LPAR1: variants seen among roughly 807,000 people sequenced by gnomAD.
The protein encoded by LPAR1 is lysophosphatidic acid receptor 1.
A neutral mutation model predicts 23.8 loss-of-function variants in LPAR1; 5 were observed. The observed-to-expected ratio is 0.21, with a 90% CI of 0.11 to 0.44. The LOEUF is 0.44. Ranked by LOEUF, LPAR1 falls within the 20% of genes least tolerant of loss-of-function variation. LPAR1 has a pLI of 0.99. For synonymous variants in LPAR1, 160 were observed against 164.7 expected, an observed-to-expected ratio of 0.97 and a Z score of 0.22; for missense variants, 311 against 482.8, an observed-to-expected ratio of 0.64 and a Z score of 3.33.
intron 2 of LPAR1, among the ~76,000 whole-genome samples, chr9:111,024,447 T>A (rs2097642723): frequency 6.8e-6 from 1 of 147,480 alleles, no homozygotes; most frequent in Non-Finnish European, 1.5e-5. Context: ...AATTTTTATA[T>A]ATTTTTATAT....
intron 4 of LPAR1, among the ~76,000 whole-genome samples, chr9:110,959,348 G>C (rs1035020639): frequency 2.0e-5 from 3 of 151,896 alleles, no homozygotes; most frequent in African/African-American, 7.3e-5. Flanking sequence ...GGGAGGAAGG[G>C]AGGGAGGGCA....
At chr9:111,030,033 G>A (rs1038579622) in intron 2 of LPAR1, among the ~76,000 whole-genome samples, 15 of 131,188 alleles carry the variant, frequency 1.1e-4, no homozygotes, top group Admixed American at 4.4e-4. Context: ...GCAATAAAGT[G>A]AGGCTCTGCC....
chr9:110,892,912 A>T (rs558516664), intron 5 of LPAR1, among the ~76,000 whole-genome samples: 365 of 151,976 alleles, frequency 2.4e-3, no homozygotes, highest in African/African-American at 8.1e-3. Flanking sequence ...TTAGTGGTGC[A>T]GGCTGCACCC....
In LPAR1 at chr9:110,875,706, G is replaced by A; in HGVS notation, c.810C>T (p.Cys270=). 1 of 1,599,860 alleles carries A rather than the reference G, an allele frequency of 6.3e-7. No homozygotes were observed. Among genetic ancestry groups the A allele is most frequent in the Non-Finnish European group, 8.5e-7 (1 of 1,170,446 alleles). Residue 270 remains cysteine (C), a synonymous_variant, in exon 6 of 6, where the codon TGC becomes TGT. Coordinates refer to ENST00000683809, the MANE Select transcript of LPAR1 (RefSeq NM_001351411.2). Reference sequence around the variant, plus strand: ...GTAACAAAACCAATCCAGGAGTCCAGCAGATGATAAAGGCCCCTACAAGGA... The same window carrying A: ...GTAACAAAACCAATCCAGGAGTCCAACAGATGATAAAGGCCCCTACAAGGA... ...VVIVLGAFII[C]WTPGLVLLLL... is the part of the protein sequence containing the mutation.
chr9:111,014,507 T>C (rs2097399348), intron 2 of LPAR1, among the ~76,000 whole-genome samples: 1 of 152,014 alleles, frequency 6.6e-6, no homozygotes, highest in Non-Finnish European at 1.5e-5. Context: ...TTCTTTCGGA[T>C]CTCTTCTCTA....
intron 4 of LPAR1, among the ~76,000 whole-genome samples, chr9:110,953,673 A>C (rs1041301896): frequency 6.6e-6 from 1 of 152,038 alleles, no homozygotes; most frequent in Admixed American, 6.5e-5. Context: ...CAAAAAAAAA[A>C]AAAAAAATTA....
At chr9:110,949,496 C>A (rs893085689) in intron 4 of LPAR1, among the ~76,000 whole-genome samples, 1 of 152,166 alleles carries the variant, frequency 6.6e-6, no homozygotes, top group South Asian at 2.1e-4. Flanking sequence ...TAATCCTCTT[C>A]CCTTGATATG....
chr9:110,885,304 A>C (rs1012463566), intron 5 of LPAR1, among the ~76,000 whole-genome samples: 5 of 152,210 alleles, frequency 3.3e-5, no homozygotes, highest in African/African-American at 1.2e-4. Context: ...TGCAGGAAAC[A>C]TTCCTGAATA....
At position 110,875,337 on chromosome 9, in the gene LPAR1, C is replaced by T. The variant is rs373641849; in HGVS notation, c.*84G>A. 3 of 1,233,694 alleles carry T rather than the reference C, an allele frequency of 2.4e-6. No individual in the cohort carries two copies. The highest frequency in any genetic ancestry group is 2.5e-5 in the East Asian group (1 of 39,316). 76.4% of individuals were successfully genotyped at this position (1,233,694 alleles called of 1,614,324 possible). ...GAGTTGACTTTTCTCCTCTCTCACACCCCACCTTGCCCTGGCAATTGGGTA... is the reference window on the plus strand; with the variant it reads ...GAGTTGACTTTTCTCCTCTCTCACATCCCACCTTGCCCTGGCAATTGGGTA... On this transcript the variant is annotated 3_prime_UTR_variant, in exon 6 of 6. Coordinates refer to ENST00000683809, the MANE Select transcript of LPAR1 (RefSeq NM_001351411.2).
rs969404964 is a variant in LPAR1 at position 110,874,407 on chromosome 9, A to G, written c.*1014T>C. On this transcript the variant is annotated 3_prime_UTR_variant, in exon 6 of 6. Transcript: ENST00000683809. Reference sequence around the variant, plus strand: ...AGTATGACTCCAATTATGTAAAAAAAGTATACAATACACATATAGGCATAC... The same window carrying G: ...AGTATGACTCCAATTATGTAAAAAAGGTATACAATACACATATAGGCATAC... 2 of 152,662 alleles carry G rather than the reference A, an allele frequency of 1.3e-5. No individual in the cohort carries two copies. The highest frequency in any genetic ancestry group is 1.3e-4 in the Admixed American group (2 of 15,284). 9.5% of individuals were successfully genotyped at this position (152,662 alleles called of 1,614,324 possible). A position where few individuals can be genotyped will look rare whatever the true frequency, so the allele number is the denominator to read the frequency against.
chr9:110,917,360 A>G (rs2093251078), intron 5 of LPAR1, among the ~76,000 whole-genome samples: 1 of 152,092 alleles, frequency 6.6e-6, no homozygotes, highest in Non-Finnish European at 1.5e-5. Flanking sequence ...AAAAATAATA[A>G]TAATAATAAA....
chr9:110,887,527 C>G (rs1290201135), intron 5 of LPAR1, among the ~76,000 whole-genome samples: 1 of 152,018 alleles, frequency 6.6e-6, no homozygotes, highest in Non-Finnish European at 1.5e-5. Context: ...ACGGTCTGTT[C>G]TAATATGATA....
At chr9:111,006,189 A>G (rs1385241266) in intron 2 of LPAR1, among the ~76,000 whole-genome samples, 3 of 152,182 alleles carry the variant, frequency 2.0e-5, no homozygotes, top group African/African-American at 7.2e-5. Context: ...TTTCCTGTCA[A>G]ATGATTTTCT....
In LPAR1 at chr9:111,001,698, T is replaced by A. The variant is rs190162035; in HGVS notation, c.-181-28140A>T. ...TCATTTCTGAACCCTTCTACTGTTATTCTGTGCTAACAATCTAATGTAGGG... is the reference window on the plus strand; with the variant it reads ...TCATTTCTGAACCCTTCTACTGTTAATCTGTGCTAACAATCTAATGTAGGG... On this transcript the variant is annotated intron_variant, in intron 2 of 5. Coordinates refer to ENST00000683809, the MANE Select transcript of LPAR1 (RefSeq NM_001351411.2). 1.1e-4 allele frequency among the ~76,000 whole-genome samples: 17 copies of A among 152,308 alleles called. No homozygotes were observed. In the East Asian group the frequency reaches 2.5e-3, roughly 22 times the overall value.
intron 5 of LPAR1, among the ~76,000 whole-genome samples, chr9:110,931,123 G>A (rs1413798006): frequency 6.6e-6 from 1 of 152,070 alleles, no homozygotes; most frequent in Admixed American, 6.5e-5. Context: ...TCAATTCAGG[G>A]TATAAAGAAT....
chr9:110,922,928 T>C (rs2093739348), intron 5 of LPAR1, among the ~76,000 whole-genome samples: 1 of 151,466 alleles, frequency 6.6e-6, no homozygotes, highest in Non-Finnish European at 1.5e-5. Context: ...CCATGGTGGT[T>C]TGCTGCACCC....
At chr9:110,914,084 C>T (rs2092782232) in intron 5 of LPAR1, among the ~76,000 whole-genome samples, 1 of 152,158 alleles carries the variant, frequency 6.6e-6, no homozygotes, top group Non-Finnish European at 1.5e-5. Flanking sequence ...GGCAACTCTT[C>T]CCAGGAGAAA....
At chr9:110,905,205 C>A (rs1008181774) in intron 5 of LPAR1, among the ~76,000 whole-genome samples, 1 of 152,212 alleles carries the variant, frequency 6.6e-6, no homozygotes. Context: ...ACTTCTTCCT[C>A]AGTTTACCAT....
chr9:110,965,964 C>T (rs939392762), intron 4 of LPAR1, among the ~76,000 whole-genome samples: 4 of 152,122 alleles, frequency 2.6e-5, no homozygotes, highest in African/African-American at 9.7e-5. Context: ...AATAAGTTCA[C>T]ATCTTTTGTA....
Sources: gnomAD v4.1 joint callset for allele counts (sites outside exome capture counted in the v4.1 genomes callset) on GRCh38, gnomAD v4.1.1 for gene constraint, MANE v1.5 for transcripts, NCBI Gene and HGNC (gene_info 2026-07-23, HGNC 2026-07-21) for gene names.